Variants in DOCK10 observed in about 807,000 individuals in gnomAD.
DOCK10 encodes dedicator of cytokinesis protein 10.
DOCK10 carries 145 observed loss-of-function variants against 280.1 expected under a neutral mutation model. That is an observed-to-expected ratio of 0.52 (90% CI 0.45 to 0.59). The LOEUF (loss-of-function observed/expected upper bound fraction) is 0.59, where lower values mean the gene tolerates loss of function less well. Among genes scored for constraint, DOCK10 ranks in the 20% least tolerant of loss-of-function variants. The pLI is 0.00. For synonymous variants in DOCK10, 915 were observed against 942.2 expected (o/e 0.97, Z 0.53); for missense variants, 2,368 against 2,651.7 (o/e 0.89, Z 2.35).
intron 3 of DOCK10, 30 bp downstream of exon 3, chr2:224,916,664 TA>T (rs1559752263): frequency 3.9e-6 from 6 of 1,525,372 alleles, no homozygotes; most frequent in Non-Finnish European, 5.4e-6. Flanking sequence ...GCAAAAGCCT[TA>T]AAATAAAGCA....
At position 224,778,190 on chromosome 2, in the gene DOCK10, T is replaced by C. The variant is rs1422304992; in HGVS notation, c.5750A>G (p.Tyr1917Cys). The C allele has an allele frequency of 2.5e-6, 4 of 1,613,330 alleles. No individual in the cohort carries two copies. In the African/African-American group the frequency reaches 4.0e-5, roughly 16 times the overall value. Reference sequence around the variant, plus strand: ...ATTGTCTGCTCCAAATTTATCTGCATAGAGCTTGAGTAATCTTTGGGAAAT... The same window carrying C: ...ATTGTCTGCTCCAAATTTATCTGCACAGAGCTTGAGTAATCTTTGGGAAAT... ...SEISQRLLKLYADKFGADNVK... is the reference protein window; with the variant it reads ...SEISQRLLKLCADKFGADNVK... Residue 1917 changes from tyrosine (Y) to cysteine (C), a missense_variant, in exon 51 of 56, where the codon TAT becomes TGT. Around this residue, in one of 2 missense-constraint regions of DOCK10, gnomAD observed 1,159 missense variants for 1,400.8 expected, o/e 0.83. Coordinates refer to ENST00000258390, the MANE Select transcript of DOCK10 (RefSeq NM_014689.3).
At chr2:224,845,062 AG>A (rs1320477023) in intron 21 of DOCK10, 140 bp downstream of exon 21, 1 of 957,148 alleles carries the variant, frequency 1.0e-6, no homozygotes. Context: ...AAGCTAAACA[AG>A]AGATGTGGCA....
At chr2:225,040,717 CAA>C (rs1229660604) in intron 1 of DOCK10, among the ~76,000 whole-genome samples, 1 of 151,996 alleles carries the variant, frequency 6.6e-6, no homozygotes, top group Non-Finnish European at 1.5e-5. Context: ...GAGTCAATTG[CAA>C]AATAAAGTTT....
Position 224,992,537 on chromosome 2 carries a change from G to A in DOCK10, c.123+49715C>T, listed in dbSNP as rs576951569. 7.2e-5 allele frequency among the ~76,000 whole-genome samples: 11 copies of A among 152,366 alleles called. No homozygotes were observed. The South Asian group carries it at 2.3e-3, about 32-fold the overall frequency. On this transcript the variant is annotated intron_variant, in intron 1 of 55. Transcript: ENST00000258390. ...CAAAGTTTAAGTCCAGCAGGAATAG[G>A]AGAAGTGGCAATATTCAGAAGATTA...
At chr2:224,873,673 C>A (rs1698442133) in intron 11 of DOCK10, among the ~76,000 whole-genome samples, 1 of 147,902 alleles carries the variant, frequency 6.8e-6, no homozygotes, top group African/African-American at 2.5e-5. Context: ...AAACTCTAAA[C>A]CACTGTGCTG....
chr2:224,983,944 G>C (rs1705881514), intron 1 of DOCK10: 1 of 461,876 alleles, frequency 2.2e-6, no homozygotes, highest in Non-Finnish European at 4.5e-6. Flanking sequence ...ACTGAAGAGA[G>C]GCTACGACTT....
intron 1 of DOCK10, among the ~76,000 whole-genome samples, chr2:225,003,352 A>G (rs548247700): frequency 6.6e-6 from 1 of 152,314 alleles, no homozygotes; most frequent in East Asian, 1.9e-4. Context: ...CTGGAAGGTT[A>G]CATTTTTCAG....
chr2:224,935,540 C>T (rs1702635650), intron 1 of DOCK10, among the ~76,000 whole-genome samples: 1 of 152,188 alleles, frequency 6.6e-6, no homozygotes, highest in East Asian at 1.9e-4. Flanking sequence ...CCAGTTTTGG[C>T]ATTGCCACAT....
At chr2:224,896,215 C>A in intron 4 of DOCK10, 80 bp downstream of exon 4, 1 of 829,640 alleles carries the variant, frequency 1.2e-6, no homozygotes. Flanking sequence ...TACGTGTATT[C>A]ATGAACAATG....
intron 1 of DOCK10, among the ~76,000 whole-genome samples, chr2:225,012,774 A>C (rs1218899360): frequency 6.6e-6 from 1 of 152,240 alleles, no homozygotes; most frequent in African/African-American, 2.4e-5. Context: ...TAATCTTTAC[A>C]AAAACTATAA....
intron 1 of DOCK10, among the ~76,000 whole-genome samples, chr2:225,012,454 C>T (rs1689470872): frequency 6.6e-6 from 1 of 152,176 alleles, no homozygotes; most frequent in Non-Finnish European, 1.5e-5. Context: ...TACTAAATTC[C>T]ATCCGCCTCT....
chr2:224,814,884 G>A (rs972636561), intron 30 of DOCK10, among the ~76,000 whole-genome samples: 3 of 152,130 alleles, frequency 2.0e-5, no homozygotes, highest in Non-Finnish European at 4.4e-5. Flanking sequence ...CTTTCTACTT[G>A]AGCATCTATT....
At chr2:224,833,326 T>C (rs1051462069) in intron 26 of DOCK10, among the ~76,000 whole-genome samples, 3 of 152,048 alleles carry the variant, frequency 2.0e-5, no homozygotes, top group Admixed American at 6.6e-5. Flanking sequence ...CTTTTTTTTT[T>C]CTTTCTGCTC....
intron 1 of DOCK10, among the ~76,000 whole-genome samples, chr2:224,943,899 G>C (rs549005209): frequency 6.6e-6 from 1 of 151,900 alleles, no homozygotes; most frequent in African/African-American, 2.4e-5. Context: ...GAGTAGCTGG[G>C]ACTACAGGCA....
chr2:224,794,454 T>C (rs16866182), intron 45 of DOCK10, among the ~76,000 whole-genome samples: 2,328 of 152,334 alleles, frequency 0.015, 65 homozygotes, highest in African/African-American at 0.053. Context: ...CAGTTCAAAC[T>C]AGCTGTAAAT....
chr2:224,887,594 G>C (rs1699386245), intron 4 of DOCK10, among the ~76,000 whole-genome samples: 1 of 152,118 alleles, frequency 6.6e-6, no homozygotes, highest in Admixed American at 6.6e-5. Flanking sequence ...TTGATGTCTA[G>C]CTGTTTGGCC....
chr2:224,802,039 TCCTG>T lies in DOCK10; in HGVS notation c.4269-3_4269del. 1 of 1,610,734 alleles carries T rather than the reference TCCTG, an allele frequency of 6.2e-7. No individual in the cohort carries two copies. On this transcript the variant is annotated splice_acceptor_variant and splice_polypyrimidine_tract_variant and coding_sequence_variant and intron_variant, in exon 40 of 56. Transcript: ENST00000258390. LOFTEE classifies it high-confidence loss of function. ...CCTTCATGACTGGAAGTGGAGTGCA[TCCTG>T]AAAACAAAAAAAGAAAAGTGGTTAG...
intron 7 of DOCK10, among the ~76,000 whole-genome samples, chr2:224,877,847 G>A (rs1277521273): frequency 2.0e-5 from 3 of 152,182 alleles, no homozygotes; most frequent in East Asian, 3.9e-4. Context: ...TGTTATTTAA[G>A]GGGGTGGTTG....
chr2:224,912,221 C>G (rs7591500), intron 3 of DOCK10, among the ~76,000 whole-genome samples: 8,181 of 151,530 alleles, frequency 0.054, 273 homozygotes, highest in Non-Finnish European at 0.068. Context: ...CTGCAACCTC[C>G]GCCTTCTAGG....
Sources: gnomAD v4.1 joint callset for allele counts (sites outside exome capture counted in the v4.1 genomes callset) on GRCh38, gnomAD v4.1.1 for gene constraint, gnomAD v4.1.1 regional missense constraint, MANE v1.5 for transcripts, NCBI Gene and HGNC (gene_info 2026-07-23, HGNC 2026-07-21) for gene names.